The following ECH1 variants were observed in gnomAD, a reference collection of about 807,000 sequenced individuals.
ECH1 encodes enoyl-CoA hydratase 1.
ECH1 carries 30 observed loss-of-function variants against 37.0 expected under a neutral mutation model. The observed-to-expected ratio is 0.81, with a 90% CI of 0.61 to 1.10. The LOEUF is 1.10. ECH1 is among the 50% of genes least tolerant of loss of function. The probability of loss-of-function intolerance (pLI) is 0.00; values close to 1 mark genes in which losing one functional copy is unlikely to be tolerated. For synonymous variants in ECH1, 178 were observed against 176.0 expected, an observed-to-expected ratio of 1.01 and a Z score of -0.09; for missense variants, 456 against 441.6, an observed-to-expected ratio of 1.03 and a Z score of -0.29.
intron 3 of ECH1, among the ~76,000 whole-genome samples, chr19:38,818,932 T>TGTGTGTGTGCGC (rs144733422): frequency 1.9e-4 from 27 of 142,856 alleles, no homozygotes; most frequent in African/African-American, 5.2e-4. Flanking sequence ...TGTGTGTGTG[T>TGTGTGTGTGCGC]GCACTGTTCC....
In ECH1 at chr19:38,815,933, G is replaced by A. The variant is rs373602260; in HGVS notation, c.806C>T (p.Pro269Leu). ...ALAAEISSKS[P>L]VAVQSTKVNL... ...GACCTTGGTGCTCTGCACCGCCACG[G>A]GGCTCTTGCTGGAAATCTCGGCCGC... The change falls in exon 9 of 10, where the codon CCC (proline) becomes CTC (leucine). Residue 269 changes from proline (P) to leucine (L), a missense_variant. Pro to Leu is a moderately conservative substitution (Grantham distance 98). Transcript: ENST00000221418. The A allele has an allele frequency of 3.1e-6, 5 of 1,614,160 alleles. No homozygotes were observed. The African/African-American group carries it at 5.3e-5, about 17-fold the overall frequency.
intron 3 of ECH1, among the ~76,000 whole-genome samples, chr19:38,824,938 G>A (rs896008048): frequency 6.6e-6 from 1 of 152,072 alleles, no homozygotes; most frequent in African/African-American, 2.4e-5. Context: ...GTCCCACCCG[G>A]GTACATGTCC....
At chr19:38,828,684 C>G (rs143504664) in intron 3 of ECH1, among the ~76,000 whole-genome samples, 3,617 of 150,182 alleles carry the variant, frequency 0.024, 132 homozygotes, top group African/African-American at 0.081. Context: ...GGCGCCATCT[C>G]GGCTCACTGC....
chr19:38,831,158 A>G lies in ECH1; in HGVS notation c.269T>C (p.Val90Ala). 6.8e-6 allele frequency: 11 copies of G among 1,614,038 alleles called. No homozygotes were observed. Among genetic ancestry groups the G allele is most frequent in the Non-Finnish European group, 7.6e-6 (9 of 1,179,988 alleles). Residue 90 changes from valine (V) to alanine (A), a missense_variant, in exon 3 of 10, where the codon GTA becomes GCA. Val to Ala is a moderately conservative substitution (Grantham distance 64). Transcript: ENST00000221418. ...AMNKVFWREM[V>A]ECFNKISRDA... ...TCTCGAAATCTTGTTGAAGCACTCT[A>G]CCATCTCTCTGTGAAGCAACGAGTG...
chr19:38,823,902 G>C (rs1189688223), intron 3 of ECH1, among the ~76,000 whole-genome samples: 3 of 152,090 alleles, frequency 2.0e-5, no homozygotes, highest in African/African-American at 7.2e-5. Context: ...ACGACTTCTA[G>C]AACTCTGTTA....
intron 3 of ECH1, among the ~76,000 whole-genome samples, chr19:38,829,265 AC>A (rs1414518650): frequency 6.9e-6 from 1 of 144,214 alleles, no homozygotes; most frequent in African/African-American, 2.6e-5. Flanking sequence ...AGCCTGGTCA[AC>A]AGAGTGAGAC....
intron 3 of ECH1, among the ~76,000 whole-genome samples, chr19:38,828,235 G>A (rs28496951): frequency 0.76 from 115,715 of 152,010 alleles, 44,718 homozygotes; most frequent in African/African-American, 0.85. Context: ...AAGTGAAGCC[G>A]TTTTCTTTTT....
At chr19:38,817,887 G>A (rs1971603337) in intron 3 of ECH1, 2 of 342,968 alleles carry the variant, frequency 5.8e-6, no homozygotes, top group African/African-American at 4.5e-5. Context: ...GGGTCACACT[G>A]GCTGGTGAGT....
chr19:38,823,941 C>A (rs1480538988), intron 3 of ECH1, among the ~76,000 whole-genome samples: 1 of 152,162 alleles, frequency 6.6e-6, no homozygotes, highest in Non-Finnish European at 1.5e-5. Flanking sequence ...GCTCACCAAT[C>A]AGAAAGACAT....
chr19:38,821,418 T>C (rs1971659592), intron 3 of ECH1, among the ~76,000 whole-genome samples: 1 of 152,244 alleles, frequency 6.6e-6, no homozygotes, highest in African/African-American at 2.4e-5. Flanking sequence ...CCCTTCAGCC[T>C]GCTGCTGCAC....
chr19:38,818,150 G>T, intron 3 of ECH1: 1 of 878,146 alleles, frequency 1.1e-6, no homozygotes, highest in Non-Finnish European at 1.4e-6. Context: ...GAGCCACCAT[G>T]CCGCATCAGA....
intron 3 of ECH1, chr19:38,818,381 G>A (rs2145371179): frequency 3.0e-6 from 3 of 985,338 alleles, no homozygotes; most frequent in Non-Finnish European, 3.6e-6. Context: ...TGTTCTCCAT[G>A]AGCCCACCCT....
At position 38,826,531 on chromosome 19, in the gene ECH1, A is replaced by G. The variant is rs182622709; in HGVS notation, c.349+4547T>C. ...TCAGTGGAGACTAGTGCAAGATCTT[A>G]GACTCATCAATGAGGCAGTAATTTC... On this transcript the variant is annotated intron_variant, in intron 3 of 9. Coordinates refer to ENST00000221418, the MANE Select transcript of ECH1 (RefSeq NM_001398.3). Among the ~76,000 whole-genome samples, 386 of 152,358 alleles carry G rather than the reference A, an allele frequency of 2.5e-3. 5 individuals carry two copies. The highest frequency in any genetic ancestry group is 8.9e-3 in the African/African-American group (371 of 41,586).
intron 8 of ECH1, 118 bp downstream of exon 8, chr19:38,816,166 C>A: frequency 6.8e-7 from 1 of 1,480,852 alleles, no homozygotes; most frequent in Non-Finnish European, 9.1e-7. Flanking sequence ...GAAATGAGCT[C>A]ACCAAGAAAG....
intron 5 of ECH1, 35 bp from the exon 6 acceptor site, chr19:38,817,164 C>A: frequency 1.3e-6 from 2 of 1,555,532 alleles, no homozygotes; most frequent in Non-Finnish European, 8.7e-7. Flanking sequence ...TGAATGACCA[C>A]CAGAACCAAC....
chr19:38,828,299 T>A (rs1948179855), intron 3 of ECH1, among the ~76,000 whole-genome samples: 1 of 152,140 alleles, frequency 6.6e-6, no homozygotes, highest in South Asian at 2.1e-4. Context: ...TGGCGTGATG[T>A]AGGCTCACTG....
intron 3 of ECH1, chr19:38,823,103 AT>A (rs1201236121): frequency 1.3e-5 from 2 of 153,790 alleles, no homozygotes; most frequent in Admixed American, 6.5e-5. Flanking sequence ...CTGCAGCTTC[AT>A]TCCTGAAGCC....
intron 1 of ECH1, 65 bp downstream of exon 1, chr19:38,831,656 C>G (rs759679528): frequency 6.2e-7 from 1 of 1,601,402 alleles, no homozygotes; most frequent in Non-Finnish European, 8.5e-7. Context: ...TAGCCCTCCC[C>G]GTCCTACATC....
At chr19:38,820,887 C>T (rs1448237767) in intron 3 of ECH1, among the ~76,000 whole-genome samples, 1 of 152,210 alleles carries the variant, frequency 6.6e-6, no homozygotes, top group Admixed American at 6.5e-5. Flanking sequence ...TCCACATCTG[C>T]AGCACCCAGG....
Sources: gnomAD v4.1 joint callset for allele counts (sites outside exome capture counted in the v4.1 genomes callset) on GRCh38, gnomAD v4.1.1 for gene constraint, MANE v1.5 for transcripts, NCBI Gene and HGNC (gene_info 2026-07-23, HGNC 2026-07-21) for gene names.